The following CSPG4 variants were observed in gnomAD, a reference collection of about 807,000 sequenced individuals.
CSPG4 encodes the protein chondroitin sulfate proteoglycan 4 (melanoma-associated).
Under a neutral mutation model 139.3 loss-of-function variants are expected in CSPG4, and 74 were observed. The ratio of observed to expected loss-of-function variants is 0.53; its 90% CI spans 0.44 to 0.64. The LOEUF (loss-of-function observed/expected upper bound fraction) is 0.64. Among genes scored for constraint, CSPG4 ranks in the 30% least tolerant of loss-of-function variants. The pLI, the probability that CSPG4 is intolerant of heterozygous loss-of-function variation, is 0.00. For synonymous variants in CSPG4, 1,234 were observed against 1,394.2 expected (o/e 0.89, Z 2.56); for missense variants, 2,565 against 3,148.3 (o/e 0.81, Z 4.43).
At position 75,696,846 on chromosome 15, in the gene CSPG4, G is replaced by A. The variant is rs1216634908; in HGVS notation, c.89-3613C>T. Among the ~76,000 whole-genome samples, 1 of 152,152 alleles carries A rather than the reference G, an allele frequency of 6.6e-6. No homozygotes were observed. The highest frequency in any genetic ancestry group is 2.4e-5 in the African/African-American group (1 of 41,432). The stretch of plus-strand genomic sequence containing the variant: ...TTCCCTGCCAAGTCCCTTCTCAGGG[G>A]CTAGAGGAAACCTCGGTCAAGGTCC... On this transcript the variant is annotated intron_variant, in intron 1 of 9. Transcript: ENST00000308508. This position sits in a 1 kb window ranked among gnomAD's most constrained non-coding sequence, Gnocchi z 4.2.
In CSPG4 at chr15:75,675,896, G is replaced by A. The variant is rs1270443076; in HGVS notation, c.6623C>T (p.Ala2208Val). Reference sequence around the variant, plus strand: ...GCTCAGGAAGCCTCCCTTGGCCACAGCGGGCTCAGGGCTGGATGCCATGGG... The same window carrying A: ...GCTCAGGAAGCCTCCCTTGGCCACAACGGGCTCAGGGCTGGATGCCATGGG... ...PGPMASSPEP[A>V]VAKGGFLSFL... is the part of the protein sequence containing the mutation. Residue 2208 changes from alanine to valine, a missense_variant, in exon 10 of 10, where the codon GCT becomes GTT. This residue lies in a region of CSPG4 where 2,316 missense variants were observed against 2,818.2 expected (regional missense o/e 0.82). Transcript: ENST00000308508. 6.2e-7 allele frequency: 1 copy of A among 1,604,162 alleles called. No individual in the cohort carries two copies. The highest frequency in any genetic ancestry group is 8.5e-7 in the Non-Finnish European group (1 of 1,179,868).
rs1336720314 is a variant in CSPG4, at chr15:75,686,889, G to T, written c.3789+387C>A. Among the ~76,000 whole-genome samples, 67 of 152,272 alleles carry T rather than the reference G, an allele frequency of 4.4e-4. 1 individual carries two copies. Among genetic ancestry groups the T allele is most frequent in the African/African-American group, 1.6e-3 (65 of 41,514 alleles). ...GGGACATGAGGGTCTGAGGAGTAGC[G>T]GCCTGTCTCCACGGTCAGCAATCCC... is the stretch of plus-strand genomic sequence containing the variant. On this transcript the variant is annotated intron_variant, in intron 3 of 9. Transcript: ENST00000308508.
chr15:75,689,236 C>T lies in CSPG4; in HGVS notation c.1829G>A (p.Gly610Glu), dbSNP rs1448334670. 1 of 1,610,298 alleles carries T rather than the reference C, an allele frequency of 6.2e-7. No homozygotes were observed. The highest frequency in any genetic ancestry group is 8.5e-7 in the Non-Finnish European group (1 of 1,179,560). ...GCAGGAGAACTCGGTCGCCGGCTCC[C>T]CAGGCTGGTCTCGGCGCTCCACGGG... ...GLPVERRDQPGEPATEFSCRE... is the reference protein window; with the variant it reads ...GLPVERRDQPEEPATEFSCRE... Residue 610 changes from glycine to glutamate, a missense_variant, in exon 3 of 10, where the codon GGG becomes GAG. Around this residue, in one of 5 missense-constraint regions of CSPG4, gnomAD observed 2,316 missense variants for 2,818.2 expected, o/e 0.82. Transcript: ENST00000308508.
chr15:75,706,442 AGT>A (rs141542830), intron 1 of CSPG4, among the ~76,000 whole-genome samples: 1,922 of 151,556 alleles, frequency 0.013, 123 homozygotes, highest in Admixed American at 0.1. Flanking sequence ...TGTGTGTGTG[AGT>A]GTGTGTGTGC....
rs377048847 is a variant in CSPG4, at chr15:75,702,936, C to T, written c.89-9703G>A. On this transcript the variant is annotated intron_variant, in intron 1 of 9. Transcript: ENST00000308508. ...CCCCCAAGGAAGTGCCTGTGGGATC[C>T]TGACACTCCCTGGGACAGGATGTAG... 1.7e-4 allele frequency among the ~76,000 whole-genome samples: 25 copies of T among 143,350 alleles called. 1 individual carries two copies. Among genetic ancestry groups the T allele is most frequent in the African/African-American group, 6.5e-4 (25 of 38,236 alleles). The allele number at this position is 143,350 out of a possible 152,430, so 94.0% of individuals were successfully genotyped here.
rs748307657 is a variant in CSPG4 at position 75,675,766 on chromosome 15, C to T, written c.6753G>A (p.Lys2251=). 1 of 1,612,978 alleles carries T rather than the reference C, an allele frequency of 6.2e-7. No homozygotes were observed. Among genetic ancestry groups the T allele is most frequent in the Admixed American group, 1.7e-5 (1 of 59,960 alleles). Residue 2251 remains lysine, a synonymous_variant, in exon 10 of 10, where the codon AAG becomes AAA. Coordinates refer to ENST00000308508, the MANE Select transcript of CSPG4 (RefSeq NM_001897.5). ...PLLFYLRKRN[K]TGKHDVQVLT... ...GGACCTGGACGTCATGCTTGCCCGT[C>T]TTGTTGCGTTTTCGGAGGTAGAAGA...
chr15:75,675,391 G>A lies in CSPG4; in HGVS notation c.*159C>T, dbSNP rs889770804. On this transcript the variant is annotated 3_prime_UTR_variant, in exon 10 of 10. Coordinates refer to ENST00000308508, the MANE Select transcript of CSPG4 (RefSeq NM_001897.5). Reference sequence around the variant, plus strand: ...CCAGCTCTTGACTCCACTCTGTCCCGGACCCCTGGGACTATCTCCCAGGAC... The same window carrying A: ...CCAGCTCTTGACTCCACTCTGTCCCAGACCCCTGGGACTATCTCCCAGGAC... 1.1e-5 allele frequency: 8 copies of A among 735,822 alleles called. No individual in the cohort carries two copies. In the East Asian group the frequency reaches 1.7e-4, roughly 15 times the overall value. 45.6% of individuals were successfully genotyped at this position (735,822 alleles called of 1,614,324 possible).
Position 75,689,652 on chromosome 15 carries a change from G to T in CSPG4, c.1413C>A (p.Ser471Arg). 1 of 1,612,882 alleles carries T rather than the reference G, an allele frequency of 6.2e-7. No homozygotes were observed. The highest frequency in any genetic ancestry group is 2.2e-5 in the East Asian group (1 of 44,872). ...AELRKSQVLF[S>R]VTRGARHGEL... Reference sequence around the variant, plus strand: ...CGCCATGGCGTGCCCCTCGGGTCACGCTGAACAGCACCTGGGATTTGCGCA... The same window carrying T: ...CGCCATGGCGTGCCCCTCGGGTCACTCTGAACAGCACCTGGGATTTGCGCA... Residue 471 changes from serine to arginine, a missense_variant, in exon 3 of 10, where the codon AGC (serine) becomes AGA (arginine). Ser to Arg is a moderately radical substitution (Grantham distance 110, BLOSUM62 -1). This residue lies in a region of CSPG4 where 2,316 missense variants were observed against 2,818.2 expected (regional missense o/e 0.82). Transcript: ENST00000308508.
Position 75,684,819 on chromosome 15 carries a change from GGC to G in CSPG4, c.4364_4365del (p.Arg1455ProfsTer16), listed in dbSNP as rs1894029185. On this transcript the variant is annotated frameshift_variant, in exon 5 of 10. Transcript: ENST00000308508. LOFTEE classifies it high-confidence loss of function. ...ACAGTGAAGGCCACAGGATGGCTCT[GGC>G]GATCCATCTCGGAGGCATTAGCCAT... is the stretch of plus-strand genomic sequence containing the variant. ...VLMANASEMDRQSHPVAFTVT... is the reference protein window; with the variant it reads ...VLMANASEMDXQSHPVAFTVT... 24 of 1,613,584 alleles carry G rather than the reference GGC, an allele frequency of 1.5e-5. No homozygotes were observed. Among genetic ancestry groups the G allele is most frequent in the Non-Finnish European group, 1.9e-5 (22 of 1,179,830 alleles).
chr15:75,711,878 C>T (rs1894451413), intron 1 of CSPG4, among the ~76,000 whole-genome samples: 2 of 152,126 alleles, frequency 1.3e-5, no homozygotes, highest in Non-Finnish European at 2.9e-5. Context: ...GGGATATATC[C>T]CAGCACTTCT....
Position 75,690,275 on chromosome 15 carries a change from C to T in CSPG4, c.790G>A (p.Val264Met), listed in dbSNP as rs146460316. The T allele has an allele frequency of 9.7e-5, 156 of 1,613,202 alleles. No homozygotes were observed. In the African/African-American group the frequency reaches 1.8e-3, roughly 19 times the overall value. ...AATACGGTACCCTGGCCCTTCTCCA[C>T]CACGGCCCGCAGGTGGCCCTCAAAT... ...DIFEGHLRAV[V>M]EKGQGTVLLH... is the part of the protein sequence containing the mutation. Residue 264 changes from valine (V) to methionine (M), a missense_variant, in exon 3 of 10, where the codon GTG (valine) becomes ATG (methionine). By Grantham distance (21) the Val-to-Met change is conservative. This residue lies in a region of CSPG4 where 2,316 missense variants were observed against 2,818.2 expected (regional missense o/e 0.82). Coordinates refer to ENST00000308508, the MANE Select transcript of CSPG4 (RefSeq NM_001897.5).
At chr15:75,701,093 C>A (rs1287741316) in intron 1 of CSPG4, among the ~76,000 whole-genome samples, 1 of 152,166 alleles carries the variant, frequency 6.6e-6, no homozygotes, top group Non-Finnish European at 1.5e-5. Context: ...ACACATCTGG[C>A]CTCTGACCAG....
Position 75,687,355 on chromosome 15 carries a change from G to A in CSPG4, c.3710C>T (p.Ala1237Val), listed in dbSNP as rs1205569558. The A allele has an allele frequency of 6.2e-7, 1 of 1,612,784 alleles. No individual in the cohort carries two copies. Among genetic ancestry groups the A allele is most frequent in the East Asian group, 2.2e-5 (1 of 44,890 alleles). ...CTTGTGCCGGACCAGCTTCAGTGGG[G>A]CCAGTGGGCCCTCTAGGGCAATGGT... Reference protein sequence around the residue: ...QVTIALEGPLAPLKLVRHKKI... With the variant: ...QVTIALEGPLVPLKLVRHKKI... The change falls in exon 3 of 10, where the codon GCC becomes GTC. Residue 1237 changes from alanine to valine, a missense_variant. This residue lies in a region of CSPG4 where 2,316 missense variants were observed against 2,818.2 expected (regional missense o/e 0.82). Coordinates refer to ENST00000308508, the MANE Select transcript of CSPG4 (RefSeq NM_001897.5). This position sits in a 1 kb window ranked among gnomAD's most constrained non-coding sequence, Gnocchi z 5.4.
rs1262683801 is a variant in CSPG4, at chr15:75,674,932, C to T, written c.*618G>A. ...TGCAATCTCCCTTAAATAAACCCAT[C>T]CCCAGAGCAACCTACCCACCCTGCA... On this transcript the variant is annotated 3_prime_UTR_variant, in exon 10 of 10. Transcript: ENST00000308508. The T allele has an allele frequency of 5.0e-6, 2 of 397,970 alleles. No individual in the cohort carries two copies. The highest frequency in any genetic ancestry group is 8.9e-6 in the Non-Finnish European group (2 of 225,918). The allele number at this position is 397,970 out of a possible 1,614,324, so 24.7% of individuals were successfully genotyped here.
chr15:75,709,561 T>C (rs1341229469), intron 1 of CSPG4, among the ~76,000 whole-genome samples: 2 of 152,196 alleles, frequency 1.3e-5, no homozygotes, highest in African/African-American at 4.8e-5. Context: ...ACAGAGGCAG[T>C]AGCCACCTCG....
At chr15:75,700,386 AG>A (rs1192575528) in intron 1 of CSPG4, among the ~76,000 whole-genome samples, 2 of 84,590 alleles carry the variant, frequency 2.4e-5, no homozygotes, top group African/African-American at 4.4e-5. Context: ...GGCAGCGAGG[AG>A]GGGGGGACAG....
At chr15:75,695,010 C>T (rs1336486678) in intron 1 of CSPG4, among the ~76,000 whole-genome samples, 1 of 152,158 alleles carries the variant, frequency 6.6e-6, no homozygotes, top group Non-Finnish European at 1.5e-5. Flanking sequence ...CAGCAGCTGC[C>T]AGGAGTCTAC....
In CSPG4 at chr15:75,697,233, C is replaced by G. The variant is rs1290524160; in HGVS notation, c.89-4000G>C. On this transcript the variant is annotated intron_variant, in intron 1 of 9. Transcript: ENST00000308508. ...GCCTCCGGCCATCCCTGCTGCCAGG[C>G]TCTGCCTCTGCTCCCCCTGGTCTCC... Among the ~76,000 whole-genome samples the G allele has an allele frequency of 4.6e-5, 7 of 152,202 alleles. No homozygotes were observed. The East Asian group carries it at 1.2e-3, about 25-fold the overall frequency.
At position 75,685,340 on chromosome 15, in the gene CSPG4, C is replaced by A; in HGVS notation, c.4151G>T (p.Gly1384Val). 2 of 1,608,386 alleles carry A rather than the reference C, an allele frequency of 1.2e-6. No homozygotes were observed. The highest frequency in any genetic ancestry group is 1.1e-5 in the South Asian group (1 of 90,618). The part of the protein sequence containing the change: ...TLAPPLLRVS[G>V]PYFPTLLGLS... ...GCCCAGGAGAGTGGGGAAGTAGGGC[C>A]CGGAGACACGGAGCAGTGGAGGGGC... The change falls in exon 4 of 10, where the codon GGG becomes GTG. Residue 1384 changes from glycine (G) to valine (V), a missense_variant. This residue lies in a region of CSPG4 where 2,316 missense variants were observed against 2,818.2 expected (regional missense o/e 0.82). Coordinates refer to ENST00000308508, the MANE Select transcript of CSPG4 (RefSeq NM_001897.5).
Sources: gnomAD v4.1 joint callset for allele counts (sites outside exome capture counted in the v4.1 genomes callset) on GRCh38, gnomAD v4.1.1 for gene constraint, gnomAD v4.1.1 regional missense constraint, Gnocchi (gnomAD v3.1) non-coding constraint, MANE v1.5 for transcripts, NCBI Gene and HGNC (gene_info 2026-07-23, HGNC 2026-07-21) for gene names.